WWOX: variants seen among roughly 807,000 people sequenced by gnomAD.
WWOX encodes WW domain containing oxidoreductase, also known as WW domain-containing oxidoreductase.
Under a neutral mutation model 46.2 loss-of-function variants are expected in WWOX, and 69 were observed. The observed-to-expected ratio is 1.49, with a 90% CI of 1.23 to 1.82. WWOX has a LOEUF of 1.82. Among genes scored for constraint, WWOX ranks in the 40% most tolerant of loss-of-function variants. WWOX has a pLI of 0.00. For synonymous variants in WWOX, 359 were observed against 202.6 expected (o/e 1.77, Z -6.56); for missense variants, 919 against 542.6 (o/e 1.69, Z -6.89).
intron 8 of WWOX, among the ~76,000 whole-genome samples, chr16:79,100,324 A>G (rs750130365): frequency 1.0e-3 from 157 of 152,264 alleles, no homozygotes; most frequent in Non-Finnish European, 2.0e-3. Context: ...TTGTTCCTAA[A>G]ACATAAGATT....
At chr16:78,903,549 C>A (rs933329666) in intron 8 of WWOX, among the ~76,000 whole-genome samples, 3 of 152,156 alleles carry the variant, frequency 2.0e-5, no homozygotes, top group African/African-American at 7.2e-5. Context: ...TAAGGGGTTG[C>A]AAAAGAGTAG....
intron 4 of WWOX, among the ~76,000 whole-genome samples, chr16:78,140,422 A>G (rs187154160): frequency 6.6e-6 from 1 of 152,222 alleles, no homozygotes; most frequent in East Asian, 1.9e-4. Context: ...GTGGCTTGGG[A>G]CAACAGAAAT....
intron 8 of WWOX, among the ~76,000 whole-genome samples, chr16:78,549,932 A>AC (rs1218775690): frequency 5.3e-4 from 81 of 152,308 alleles, no homozygotes; most frequent in African/African-American, 1.9e-3. Flanking sequence ...GAAAAAAGAA[A>AC]GAAAAAAAAG....
At chr16:78,918,494 C>T (rs904313323) in intron 8 of WWOX, among the ~76,000 whole-genome samples, 7 of 152,080 alleles carry the variant, frequency 4.6e-5, no homozygotes, top group Non-Finnish European at 1.0e-4. Flanking sequence ...TCTTTTGTCT[C>T]TGTAATGAAT....
At chr16:78,783,683 TATG>T (rs1296781411) in intron 8 of WWOX, among the ~76,000 whole-genome samples, 9 of 151,680 alleles carry the variant, frequency 5.9e-5, no homozygotes, top group South Asian at 2.1e-4. Context: ...TGAATAAAAG[TATG>T]ATGATGATGA....
At chr16:78,517,428 C>T (rs1176776913) in intron 8 of WWOX, among the ~76,000 whole-genome samples, 1 of 151,278 alleles carries the variant, frequency 6.6e-6, no homozygotes, top group Non-Finnish European at 1.5e-5. Context: ...TTATTTCCAG[C>T]TATGTTTAAA....
chr16:78,154,568 G>T (rs924434472), intron 4 of WWOX, among the ~76,000 whole-genome samples: 2 of 129,214 alleles, frequency 1.5e-5, no homozygotes, highest in Non-Finnish European at 3.1e-5. Flanking sequence ...TTCCAGTAAA[G>T]TTCTTGGCCC....
chr16:78,543,364 G>T (rs896727972), intron 8 of WWOX, among the ~76,000 whole-genome samples: 10 of 152,206 alleles, frequency 6.6e-5, no homozygotes, highest in East Asian at 3.9e-4. Context: ...CCAGAGGTCT[G>T]TGCACACTAT....
chr16:78,232,847 T>TTTTCG (rs1281190717), intron 5 of WWOX, among the ~76,000 whole-genome samples: 2 of 151,724 alleles, frequency 1.3e-5, no homozygotes, highest in Non-Finnish European at 2.9e-5. Flanking sequence ...CTTTCTTTTC[T>TTTTCG]TTTCTTTTTT....
chr16:78,972,202 C>T (rs1028007073), intron 8 of WWOX, among the ~76,000 whole-genome samples: 2 of 152,082 alleles, frequency 1.3e-5, no homozygotes, highest in African/African-American at 2.4e-5. Context: ...CATCAGCTGC[C>T]GTGCTTGGAG....
chr16:78,261,498 C>A (rs1266788054), intron 5 of WWOX, among the ~76,000 whole-genome samples: 2 of 150,236 alleles, frequency 1.3e-5, no homozygotes, highest in African/African-American at 4.9e-5. Flanking sequence ...CACTCAAATT[C>A]CATTTCTCTT....
At chr16:78,643,326 C>G (rs765320070) in intron 8 of WWOX, among the ~76,000 whole-genome samples, 1 of 152,168 alleles carries the variant, frequency 6.6e-6, no homozygotes, top group East Asian at 1.9e-4. Context: ...TCAACCGTGA[C>G]AAGGTTTTAT....
chr16:79,181,857 A>C (rs2150787929), intron 8 of WWOX, among the ~76,000 whole-genome samples: 1 of 152,322 alleles, frequency 6.6e-6, no homozygotes, highest in African/African-American at 2.4e-5. Context: ...GCATTTTACA[A>C]ACCACAGCAT....
At chr16:78,933,484 C>A (rs1597170109) in intron 8 of WWOX, among the ~76,000 whole-genome samples, 1 of 152,212 alleles carries the variant, frequency 6.6e-6, no homozygotes, top group Non-Finnish European at 1.5e-5. Context: ...CATAACAGTT[C>A]TGAAGACCAA....
chr16:78,394,378 AT>A (rs1310093850), intron 6 of WWOX, among the ~76,000 whole-genome samples: 3 of 151,788 alleles, frequency 2.0e-5, no homozygotes, highest in East Asian at 1.9e-4. Context: ...TACAAGTTAA[AT>A]TTTTTTTTCT....
At chr16:78,401,978 C>T (rs1331336776) in intron 6 of WWOX, among the ~76,000 whole-genome samples, 5 of 152,114 alleles carry the variant, frequency 3.3e-5, no homozygotes, top group Non-Finnish European at 5.9e-5. Context: ...GGATTACAGG[C>T]GTGAGCCCCT....
At chr16:78,591,300 C>G (rs953214997) in intron 8 of WWOX, among the ~76,000 whole-genome samples, 1 of 152,188 alleles carries the variant, frequency 6.6e-6, no homozygotes, top group Non-Finnish European at 1.5e-5. Context: ...AGGCTGACAT[C>G]TCCTTGACCA....
intron 8 of WWOX, among the ~76,000 whole-genome samples, chr16:78,518,182 A>G (rs904413524): frequency 6.6e-6 from 1 of 152,042 alleles, no homozygotes; most frequent in Non-Finnish European, 1.5e-5. Context: ...TTGGGGCTTA[A>G]TATGTGGTAG....
At chr16:79,202,824 C>G (rs1184972810) in intron 8 of WWOX, 2 of 152,064 alleles carry the variant, frequency 1.3e-5, no homozygotes, top group African/African-American at 2.4e-5. Flanking sequence ...TATTTACAGT[C>G]TACATAGGGG....
Sources: gnomAD v4.1 joint callset for allele counts (sites outside exome capture counted in the v4.1 genomes callset) on GRCh38, gnomAD v4.1.1 for gene constraint, MANE v1.5 for transcripts, NCBI Gene and HGNC (gene_info 2026-07-23, HGNC 2026-07-21) for gene names.